ZDHHC14: variants seen among roughly 807,000 people sequenced by gnomAD.
ZDHHC14 encodes the protein palmitoyltransferase ZDHHC14.
ZDHHC14 carries 16 observed loss-of-function variants against 47.7 expected under a neutral mutation model. That is an observed-to-expected ratio of 0.34 (90% CI 0.23 to 0.51). The LOEUF is 0.51. Among genes scored for constraint, ZDHHC14 ranks in the 20% least tolerant of loss-of-function variants. The pLI, the probability that ZDHHC14 is intolerant of heterozygous loss-of-function variation, is 0.97. For missense variants in ZDHHC14, 515 were observed against 662.5 expected, an observed-to-expected ratio of 0.78 and a Z score of 2.44; for synonymous variants, 293 against 278.9, an observed-to-expected ratio of 1.05 and a Z score of -0.50.
chr6:157,518,357 T>C (rs1006778520), intron 1 of ZDHHC14, among the ~76,000 whole-genome samples: 3 of 113,430 alleles, frequency 2.6e-5, no homozygotes, highest in African/African-American at 3.5e-5. Context: ...GGACTATGTG[T>C]GGTCATTGAG....
At chr6:157,584,235 G>A (rs1436899148) in intron 2 of ZDHHC14, among the ~76,000 whole-genome samples, 1 of 152,116 alleles carries the variant, frequency 6.6e-6, no homozygotes, top group East Asian at 1.9e-4. Flanking sequence ...CCTGAGCCAG[G>A]GACTCTACTT....
intron 2 of ZDHHC14, among the ~76,000 whole-genome samples, chr6:157,557,782 G>T (rs1782536043): frequency 6.6e-6 from 1 of 152,212 alleles, no homozygotes; most frequent in African/African-American, 2.4e-5. Flanking sequence ...AAATAGACTA[G>T]CAAAGGAATG....
intron 1 of ZDHHC14, among the ~76,000 whole-genome samples, chr6:157,522,280 A>ATT (rs1582882315): frequency 6.6e-6 from 1 of 152,222 alleles, no homozygotes; most frequent in East Asian, 1.9e-4. Flanking sequence ...CCAAACTTAG[A>ATT]TAAAAATGGC....
chr6:157,428,555 C>T lies in ZDHHC14; in HGVS notation c.245+46289C>T, dbSNP rs147841191. Among the ~76,000 whole-genome samples, 952 of 152,256 alleles carry T rather than the reference C, an allele frequency of 6.3e-3. 4 individuals are homozygous for T. Among genetic ancestry groups the T allele is most frequent in the Non-Finnish European group, 8.1e-3 (549 of 68,018 alleles). ...CTTTTTATAGCGGTGCCCTCTGAAA[C>T]TAGTGGCCTGTTACGCCTTGTGGAA... On this transcript the variant is annotated intron_variant, in intron 1 of 8. Coordinates refer to ENST00000359775, the MANE Select transcript of ZDHHC14 (RefSeq NM_024630.3).
intron 1 of ZDHHC14, among the ~76,000 whole-genome samples, chr6:157,468,709 G>A (rs865828849): frequency 2.0e-5 from 3 of 152,328 alleles, no homozygotes; most frequent in Middle Eastern, 3.4e-3. Flanking sequence ...CTGTTTTATG[G>A]AGAAGATAAG....
At chr6:157,560,773 C>A (rs999230143) in intron 2 of ZDHHC14, among the ~76,000 whole-genome samples, 2 of 152,214 alleles carry the variant, frequency 1.3e-5, no homozygotes, top group African/African-American at 4.8e-5. Context: ...ATCACGAATT[C>A]TCTCTAGGGG....
At chr6:157,436,051 G>A (rs192091995) in intron 1 of ZDHHC14, among the ~76,000 whole-genome samples, 27 of 152,260 alleles carry the variant, frequency 1.8e-4, no homozygotes, top group African/African-American at 6.3e-4. Context: ...CAAGGAGAGG[G>A]CACTGAGTAG....
intron 5 of ZDHHC14, 99 bp from the exon 6 acceptor site, chr6:157,645,638 A>G (rs1583066243): frequency 1.1e-6 from 1 of 876,334 alleles, no homozygotes; most frequent in East Asian, 2.7e-5. Flanking sequence ...CAGCAACTAG[A>G]GAGAGGCCTG....
chr6:157,541,020 A>G (rs1343192016), intron 1 of ZDHHC14, among the ~76,000 whole-genome samples: 1 of 151,696 alleles, frequency 6.6e-6, no homozygotes, highest in East Asian at 1.9e-4. Flanking sequence ...TCAAACTTAC[A>G]GAGAAGTTAC....
intron 3 of ZDHHC14, among the ~76,000 whole-genome samples, chr6:157,595,174 A>ATTTTTTTTTTTTTTTT (rs777568494): frequency 1.1e-4 from 7 of 62,714 alleles, no homozygotes; most frequent in African/African-American, 5.2e-4. Flanking sequence ...TCTAGGCTAG[A>ATTTTTTTTTTTTTTTT]TTTTTTTTTT....
intron 2 of ZDHHC14, among the ~76,000 whole-genome samples, chr6:157,574,353 G>T (rs1489929962): frequency 6.6e-6 from 1 of 152,122 alleles, no homozygotes; most frequent in Non-Finnish European, 1.5e-5. Flanking sequence ...AACCCGGGAG[G>T]TGGAGGTTTC....
chr6:157,595,214 A>G (rs1390735652), intron 3 of ZDHHC14, among the ~76,000 whole-genome samples: 3 of 59,552 alleles, frequency 5.0e-5, no homozygotes, highest in African/African-American at 6.6e-5. Context: ...TTTTTTTGTG[A>G]TGGAGTCTTG....
chr6:157,551,975 A>T (rs892369376), intron 2 of ZDHHC14, among the ~76,000 whole-genome samples: 1 of 152,198 alleles, frequency 6.6e-6, no homozygotes, highest in Admixed American at 6.5e-5. Context: ...CCATGATTCT[A>T]GAAATAAATC....
rs35677570 is a variant in ZDHHC14 at position 157,504,449 on chromosome 6, A to ATTT, written c.246-38117_246-38115dup. On this transcript the variant is annotated intron_variant, in intron 1 of 8. Coordinates refer to ENST00000359775, the MANE Select transcript of ZDHHC14 (RefSeq NM_024630.3). ...AGGCGTGAGCCACCGCACCCAGCCT[A>ATTT]TTTTTTTTTTTTTTTTTTTTTAGAC... 1.1e-3 allele frequency among the ~76,000 whole-genome samples: 108 copies of ATTT among 96,464 alleles called. 1 individual carries two copies. The highest frequency in any genetic ancestry group is 4.1e-3 in the African/African-American group (98 of 23,702). 63.3% of individuals were successfully genotyped at this position (96,464 alleles called of 152,430 possible).
Position 157,457,016 on chromosome 6 carries a change from T to C in ZDHHC14, c.245+74750T>C, listed in dbSNP as rs140085335. 7.7e-3 allele frequency among the ~76,000 whole-genome samples: 1,160 copies of C among 151,318 alleles called. 23 individuals are homozygous for C. The South Asian group carries it at 0.087, about 11-fold the overall frequency. ...ATACAATAATAAATAAATAAATAAA[T>C]AAATAAATATTAGCCAGGTGTGGTG... On this transcript the variant is annotated intron_variant, in intron 1 of 8. Transcript: ENST00000359775.
intron 8 of ZDHHC14, among the ~76,000 whole-genome samples, chr6:157,658,819 C>T (rs1023799667): frequency 1.1e-4 from 17 of 152,014 alleles, no homozygotes; most frequent in African/African-American, 3.1e-4. Context: ...GGGGTAATAC[C>T]GGCTTCATGG....
At chr6:157,585,162 G>T (rs901974772) in intron 2 of ZDHHC14, among the ~76,000 whole-genome samples, 1 of 151,992 alleles carries the variant, frequency 6.6e-6, no homozygotes, top group African/African-American at 2.4e-5. Context: ...AGCCGAGATC[G>T]CGCCATTGCA....
intron 1 of ZDHHC14, among the ~76,000 whole-genome samples, chr6:157,508,124 C>A (rs1780375761): frequency 6.6e-6 from 1 of 152,156 alleles, no homozygotes; most frequent in Non-Finnish European, 1.5e-5. Flanking sequence ...TTACCTCTTT[C>A]AAAGCTTTTA....
intron 1 of ZDHHC14, among the ~76,000 whole-genome samples, chr6:157,457,515 G>T (rs963214162): frequency 1.3e-5 from 2 of 152,106 alleles, no homozygotes; most frequent in Non-Finnish European, 2.9e-5. Flanking sequence ...TCAGCAAGTA[G>T]GAGTACACAA....
Sources: gnomAD v4.1 joint callset for allele counts (sites outside exome capture counted in the v4.1 genomes callset) on GRCh38, gnomAD v4.1.1 for gene constraint, MANE v1.5 for transcripts, NCBI Gene and HGNC (gene_info 2026-07-23, HGNC 2026-07-21) for gene names.